Variants in RASSF8 observed in about 807,000 individuals in gnomAD.
RASSF8 encodes Ras association domain family member 8.
RASSF8 carries 22 observed loss-of-function variants against 48.5 expected under a neutral mutation model. The ratio of observed to expected loss-of-function variants is 0.45; its 90% CI spans 0.32 to 0.65. The LOEUF (loss-of-function observed/expected upper bound fraction) is 0.65. RASSF8 is among the 30% of genes least tolerant of loss of function. The pLI is 0.03. For synonymous variants in RASSF8, 127 were observed against 171.5 expected (o/e 0.74, Z 2.03); for missense variants, 418 against 489.2 (o/e 0.85, Z 1.37).
chr12:26,040,543 A>C (rs1943242651), intron 2 of RASSF8, among the ~76,000 whole-genome samples: 1 of 152,220 alleles, frequency 6.6e-6, no homozygotes, highest in African/African-American at 2.4e-5. Context: ...GAACCAGGTC[A>C]GTAGAACCTG....
intron 1 of RASSF8, among the ~76,000 whole-genome samples, chr12:25,976,193 C>T (rs1231581611): frequency 1.3e-5 from 2 of 152,138 alleles, no homozygotes; most frequent in Non-Finnish European, 1.5e-5. Context: ...AGATCGACTT[C>T]CTAGGACTAA....
downstream of RASSF8, among the ~76,000 whole-genome samples, chr12:26,076,819 A>G (rs1427411174): frequency 6.6e-6 from 1 of 152,172 alleles, no homozygotes. Flanking sequence ...TTCTAGTTCT[A>G]GATCCTTAAG....
intron 2 of RASSF8, among the ~76,000 whole-genome samples, chr12:26,036,694 G>T (rs764693939): frequency 2.6e-5 from 4 of 151,988 alleles, no homozygotes; most frequent in Non-Finnish European, 5.9e-5. Flanking sequence ...GATCACCTGA[G>T]GTCAGGAGTT....
At chr12:26,066,710 C>T (rs896393824) in intron 4 of RASSF8, among the ~76,000 whole-genome samples, 4 of 152,142 alleles carry the variant, frequency 2.6e-5, no homozygotes, top group Non-Finnish European at 5.9e-5. Flanking sequence ...TCCCCAAGTA[C>T]CCCCTACACT....
chr12:25,996,566 TTTGA>T (rs760479438), intron 2 of RASSF8, among the ~76,000 whole-genome samples: 9 of 152,114 alleles, frequency 5.9e-5, no homozygotes, highest in Admixed American at 2.0e-4. Context: ...ATTGTATGAG[TTTGA>T]TTGATTGGGG....
intron 1 of RASSF8, among the ~76,000 whole-genome samples, chr12:25,968,041 C>T (rs753268538): frequency 1.3e-5 from 2 of 152,226 alleles, no homozygotes; most frequent in Non-Finnish European, 2.9e-5. Flanking sequence ...AACAATATGT[C>T]AAGTCCATTG....
intron 2 of RASSF8, among the ~76,000 whole-genome samples, chr12:26,038,094 G>C (rs931935759): frequency 1.3e-5 from 2 of 152,096 alleles, no homozygotes; most frequent in Admixed American, 6.6e-5. Flanking sequence ...TAAACTTCTG[G>C]AGTCAACACA....
chr12:25,973,943 C>T (rs1413047262), intron 1 of RASSF8: 1 of 152,134 alleles, frequency 6.6e-6, no homozygotes. Context: ...AGTAAGAACC[C>T]GTGTCCGGCT....
Position 26,068,935 on chromosome 12 carries a change from C to G in RASSF8, c.*117C>G. On this transcript the variant is annotated 3_prime_UTR_variant, in exon 6 of 6. Transcript: ENST00000689635. The stretch of plus-strand genomic sequence containing the variant: ...TTCCACAAGACGCTGTATGTTTTTT[C>G]TCTCCTAAATTGCATACCACTTGGA... The G allele has an allele frequency of 6.9e-7, 1 of 1,456,130 alleles. No individual in the cohort carries two copies. Among genetic ancestry groups the G allele is most frequent in the East Asian group, 2.5e-5 (1 of 39,282 alleles). 90.2% of individuals were successfully genotyped at this position (1,456,130 alleles called of 1,614,324 possible).
intron 2 of RASSF8, among the ~76,000 whole-genome samples, chr12:26,022,021 C>A (rs1027115533): frequency 6.6e-6 from 1 of 152,146 alleles, no homozygotes; most frequent in African/African-American, 2.4e-5. Context: ...CTAAGAAGAG[C>A]GCTCCCTCTT....
In RASSF8 at chr12:26,069,695, C is replaced by G; in HGVS notation, c.*877C>G. The G allele has an allele frequency of 1.0e-6, 1 of 985,364 alleles. No individual in the cohort carries two copies. Among genetic ancestry groups the G allele is most frequent in the Non-Finnish European group, 1.2e-6 (1 of 829,922 alleles). The allele number at this position is 985,364 out of a possible 1,614,324, so 61.0% of individuals were successfully genotyped here. On this transcript the variant is annotated 3_prime_UTR_variant, in exon 6 of 6. Transcript: ENST00000689635. ...AATCTAACATGGAAGTTATAGATAC[C>G]TGAAAGCTGGGTTGGTCTACTTCAG... is the stretch of plus-strand genomic sequence containing the variant.
exon 6 of RASSF8, chr12:26,079,134 C>A: frequency 1.7e-6 from 2 of 1,169,880 alleles, no homozygotes; most frequent in African/African-American, 3.1e-5. Flanking sequence ...TACATTAAAC[C>A]CAAAACTCCT....
intron 2 of RASSF8, 33 bp from the exon 3 acceptor site, chr12:26,055,203 T>C: frequency 1.5e-6 from 1 of 659,642 alleles, no homozygotes; most frequent in Non-Finnish European, 2.8e-6. Context: ...TGTTGATTCA[T>C]TTTATTACAA....
Position 26,065,018 on chromosome 12 carries a change from T to C in RASSF8, c.624T>C (p.Arg208=), listed in dbSNP as rs1943837126. Residue 208 remains arginine (R), a synonymous_variant, in exon 4 of 6, where the codon CGT becomes CGC. Transcript: ENST00000689635. The part of the protein sequence containing the change: ...YNSNLEEEIV[R]LEQKIKRNDV... ...CCAACCTTGAAGAGGAAATTGTCCG[T>C]CTAGAGCAAAAGATCAAAAGAAACG... 3.1e-6 allele frequency: 5 copies of C among 1,613,384 alleles called. No homozygotes were observed. Among genetic ancestry groups the C allele is most frequent in the Non-Finnish European group, 3.4e-6 (4 of 1,179,846 alleles).
At chr12:26,020,546 T>A (rs1298774776) in intron 2 of RASSF8, 1 of 152,092 alleles carries the variant, frequency 6.6e-6, no homozygotes, top group Non-Finnish European at 1.5e-5. Flanking sequence ...AAGAATATTG[T>A]TTTCAGTGCG....
downstream of RASSF8, among the ~76,000 whole-genome samples, chr12:26,076,285 CTT>C (rs201968467): frequency 0.033 from 4,933 of 151,012 alleles, 95 homozygotes; most frequent in East Asian, 0.051. Flanking sequence ...TTATACTTTA[CTT>C]TAAGTTCTAG....
At chr12:26,014,232 T>A (rs1942593620) in intron 2 of RASSF8, among the ~76,000 whole-genome samples, 1 of 152,264 alleles carries the variant, frequency 6.6e-6, no homozygotes, top group South Asian at 2.1e-4. Context: ...AACATATGTA[T>A]GTGTTTCCTA....
At chr12:26,073,776 C>CACAT (rs1244639136), downstream of RASSF8, among the ~76,000 whole-genome samples, 305 of 115,320 alleles carry the variant, frequency 2.6e-3, 3 homozygotes, top group South Asian at 0.015. Context: ...CACACACACA[C>CACAT]ATATATATAT....
At chr12:26,075,006 C>T (rs1047440659), downstream of RASSF8, among the ~76,000 whole-genome samples, 9 of 152,108 alleles carry the variant, frequency 5.9e-5, no homozygotes, top group Non-Finnish European at 2.9e-5. Flanking sequence ...GAAGAACTGA[C>T]TAAAGAAGGG....
Sources: gnomAD v4.1 joint callset for allele counts (sites outside exome capture counted in the v4.1 genomes callset) on GRCh38, gnomAD v4.1.1 for gene constraint, MANE v1.5 for transcripts, NCBI Gene and HGNC (gene_info 2026-07-23, HGNC 2026-07-21) for gene names.